Variants in NR3C2 observed in about 807,000 individuals in gnomAD.
NR3C2 encodes nuclear receptor subfamily 3 group C member 2, also known as mineralocorticoid receptor.
In NR3C2, 15 loss-of-function variants were observed where a neutral mutation model predicts 86.4. That is an observed-to-expected ratio of 0.17 (90% CI 0.12 to 0.27). NR3C2 has a LOEUF of 0.27. Ranked by LOEUF, NR3C2 falls within the 10% of genes least tolerant of loss-of-function variation. The pLI is 1.00. For synonymous variants in NR3C2, 458 were observed against 450.5 expected, an observed-to-expected ratio of 1.02 and a Z score of -0.21; for missense variants, 960 against 1,195.6, an observed-to-expected ratio of 0.80 and a Z score of 2.91.
At chr4:148,214,477 T>C (rs1737428213) in intron 3 of NR3C2, among the ~76,000 whole-genome samples, 2 of 152,230 alleles carry the variant, frequency 1.3e-5, no homozygotes, top group Non-Finnish European at 2.9e-5. Flanking sequence ...TTCCAAATCA[T>C]GATCTAGGTC....
intron 3 of NR3C2, among the ~76,000 whole-genome samples, chr4:148,213,047 A>G (rs1438069331): frequency 6.6e-6 from 1 of 152,160 alleles, no homozygotes; most frequent in Non-Finnish European, 1.5e-5. Context: ...GTGATCACAA[A>G]AGTTTTGTGA....
At chr4:148,251,755 G>GA (rs1373006923) in intron 3 of NR3C2, among the ~76,000 whole-genome samples, 3 of 151,956 alleles carry the variant, frequency 2.0e-5, no homozygotes, top group African/African-American at 7.2e-5. Context: ...CATTCCTTAA[G>GA]AAAAAATAGA....
intron 4 of NR3C2, among the ~76,000 whole-genome samples, chr4:148,193,149 A>G (rs1736280267): frequency 6.6e-6 from 1 of 152,146 alleles, no homozygotes; most frequent in Non-Finnish European, 1.5e-5. Context: ...AGCTCCCAGG[A>G]CCTTGCTGCT....
intron 4 of NR3C2, among the ~76,000 whole-genome samples, chr4:148,157,455 A>G (rs1734452083): frequency 6.6e-6 from 1 of 152,136 alleles, no homozygotes; most frequent in African/African-American, 2.4e-5. Flanking sequence ...CAGAGACCAG[A>G]AAGTTTAAGA....
upstream of NR3C2, chr4:148,444,001 C>T (rs1750478470): frequency 1.0e-6 from 1 of 985,116 alleles, no homozygotes; most frequent in Non-Finnish European, 1.2e-6. Flanking sequence ...GAGCTGCCCC[C>T]GGCGTCCCCG....
chr4:148,438,100 G>A (rs1285763485), intron 1 of NR3C2, among the ~76,000 whole-genome samples: 1 of 152,158 alleles, frequency 6.6e-6, no homozygotes, highest in Non-Finnish European at 1.5e-5. Flanking sequence ...ACCAAGTGTT[G>A]GAGCTGCAAT....
At chr4:148,204,880 A>G (rs986607206) in intron 3 of NR3C2, among the ~76,000 whole-genome samples, 22 of 152,350 alleles carry the variant, frequency 1.4e-4, no homozygotes, top group Admixed American at 5.9e-4. Flanking sequence ...ATATACCTCT[A>G]AACTCCAGAC....
chr4:148,298,283 T>C (rs1449601571), intron 2 of NR3C2, among the ~76,000 whole-genome samples: 1 of 152,160 alleles, frequency 6.6e-6, no homozygotes, highest in Admixed American at 6.5e-5. Flanking sequence ...AAGAAAAACA[T>C]ACTACATGAT....
chr4:148,363,763 A>G (rs1745973078), intron 2 of NR3C2, among the ~76,000 whole-genome samples: 1 of 152,068 alleles, frequency 6.6e-6, no homozygotes, highest in South Asian at 2.1e-4. Flanking sequence ...TTGGCCTCCC[A>G]AAGTGCTGGG....
intron 2 of NR3C2, among the ~76,000 whole-genome samples, chr4:148,331,080 G>T (rs1269991968): frequency 6.6e-6 from 1 of 152,066 alleles, no homozygotes; most frequent in Non-Finnish European, 1.5e-5. Flanking sequence ...TTATAATAAT[G>T]CAAATGGACT....
At chr4:148,120,396 G>T in intron 6 of NR3C2, 108 bp from the exon 7 acceptor site, 2 of 1,334,220 alleles carry the variant, frequency 1.5e-6, no homozygotes, top group Non-Finnish European at 2.1e-6. Flanking sequence ...TTCTCCTTTT[G>T]GCTTCAACAT....
intron 2 of NR3C2, among the ~76,000 whole-genome samples, chr4:148,361,908 G>A (rs1196622045): frequency 6.6e-6 from 1 of 152,140 alleles, no homozygotes; most frequent in Non-Finnish European, 1.5e-5. Context: ...CACGATCTTG[G>A]CTTACTGCAA....
At chr4:148,408,651 T>C (rs1195351837) in intron 2 of NR3C2, among the ~76,000 whole-genome samples, 1 of 152,160 alleles carries the variant, frequency 6.6e-6, no homozygotes, top group Non-Finnish European at 1.5e-5. Flanking sequence ...TCTTTACCAA[T>C]AGGCAACCAT....
intron 3 of NR3C2, among the ~76,000 whole-genome samples, chr4:148,240,509 A>G (rs995476708): frequency 6.6e-6 from 1 of 152,050 alleles, no homozygotes; most frequent in Non-Finnish European, 1.5e-5. Context: ...GCCAGCCTAG[A>G]TTAAGGGGAG....
chr4:148,266,013 G>T (rs11734888), intron 2 of NR3C2, among the ~76,000 whole-genome samples: 1 of 151,068 alleles, frequency 6.6e-6, no homozygotes. Flanking sequence ...GACAGACACT[G>T]AGATTGGACG....
chr4:148,423,375 T>C (rs1455789926), intron 2 of NR3C2, among the ~76,000 whole-genome samples: 2 of 152,204 alleles, frequency 1.3e-5, no homozygotes, highest in Non-Finnish European at 2.9e-5. Context: ...TGACTTGTGC[T>C]ATTACTTATT....
At chr4:148,429,185 C>T (rs1749687602) in intron 2 of NR3C2, among the ~76,000 whole-genome samples, 1 of 152,130 alleles carries the variant, frequency 6.6e-6, no homozygotes, top group African/African-American at 2.4e-5. Flanking sequence ...CAAGACTTGC[C>T]CATATAACCT....
intron 2 of NR3C2, among the ~76,000 whole-genome samples, chr4:148,348,943 GTTAAGGTTAC>G (rs74315142): frequency 2.6e-5 from 4 of 152,092 alleles, no homozygotes; most frequent in African/African-American, 9.7e-5. Context: ...ATATTCAAGT[GTTAAGGTTAC>G]CTTAAGTGTT....
chr4:148,193,389 G>A (rs1209911646), intron 4 of NR3C2, among the ~76,000 whole-genome samples: 3 of 152,126 alleles, frequency 2.0e-5, no homozygotes, highest in Non-Finnish European at 2.9e-5. Flanking sequence ...GGGTCCTCTC[G>A]GGATTGCTGG....
Sources: gnomAD v4.1 joint callset for allele counts (sites outside exome capture counted in the v4.1 genomes callset) on GRCh38, gnomAD v4.1.1 for gene constraint, MANE v1.5 for transcripts, NCBI Gene and HGNC (gene_info 2026-07-23, HGNC 2026-07-21) for gene names.